The following TBCE variants were observed in gnomAD, a reference collection of about 807,000 sequenced individuals.
TBCE encodes tubulin folding cofactor E, also known as tubulin-specific chaperone E.
A neutral mutation model predicts 77.0 loss-of-function variants in TBCE; 53 were observed. The ratio of observed to expected loss-of-function variants is 0.69; its 90% CI spans 0.55 to 0.87. The LOEUF (loss-of-function observed/expected upper bound fraction) is 0.87, where lower values mean the gene tolerates loss of function less well. Ranked by LOEUF, TBCE falls within the 40% of genes least tolerant of loss-of-function variation. The pLI, the probability that TBCE is intolerant of heterozygous loss-of-function variation, is 0.00. For synonymous variants in TBCE, 235 were observed against 241.3 expected, an observed-to-expected ratio of 0.97 and a Z score of 0.24; for missense variants, 624 against 622.4, an observed-to-expected ratio of 1.00 and a Z score of -0.03.
At chr1:235,398,306 C>T (rs1016848356) in intron 2 of TBCE, among the ~76,000 whole-genome samples, 16 of 151,684 alleles carry the variant, frequency 1.1e-4, no homozygotes, top group African/African-American at 2.9e-4. Flanking sequence ...CCACCACGCC[C>T]GGCTAATTTT....
intron 5 of TBCE, among the ~76,000 whole-genome samples, chr1:235,420,577 G>T (rs910829160): frequency 6.6e-6 from 1 of 151,506 alleles, no homozygotes; most frequent in African/African-American, 2.4e-5. Context: ...CCGCCTCCCG[G>T]GTTCAAGCAA....
chr1:235,413,250 C>T (rs1036755459), intron 3 of TBCE, among the ~76,000 whole-genome samples: 1 of 151,746 alleles, frequency 6.6e-6, no homozygotes, highest in Non-Finnish European at 1.5e-5. Context: ...GTCCTAGCTA[C>T]GTGGGAGGCT....
intron 2 of TBCE, among the ~76,000 whole-genome samples, chr1:235,390,075 G>T (rs1257832754): frequency 6.6e-6 from 1 of 151,386 alleles, no homozygotes; most frequent in African/African-American, 2.4e-5. Flanking sequence ...GCAGTGAGAC[G>T]AAATGGCATC....
Position 235,449,983 on chromosome 1 carries a change from C to T in TBCE, c.*1221C>T, listed in dbSNP as rs74151510. The T allele has an allele frequency of 0.01, 4,075 of 397,820 alleles. 148 individuals carry two copies. Among genetic ancestry groups the T allele is most frequent in the African/African-American group, 0.074 (3,638 of 48,968 alleles). 24.6% of individuals were successfully genotyped at this position (397,820 alleles called of 1,614,324 possible). Reference sequence around the variant, plus strand: ...ACTTGGTATTTTTCTGATAATCTTCCAATAGATAAATAAAAACTTTTCTTA... The same window carrying T: ...ACTTGGTATTTTTCTGATAATCTTCTAATAGATAAATAAAAACTTTTCTTA... On this transcript the variant is annotated 3_prime_UTR_variant, in exon 17 of 17. Transcript: ENST00000642610.
chr1:235,398,320 A>G (rs1026068332), intron 2 of TBCE, among the ~76,000 whole-genome samples: 14 of 151,124 alleles, frequency 9.3e-5, no homozygotes, highest in Admixed American at 8.6e-4. Context: ...TAATTTTTCT[A>G]TTTTTAGTAG....
chr1:235,417,230 T>C (rs1216098320), intron 4 of TBCE, among the ~76,000 whole-genome samples: 1 of 152,190 alleles, frequency 6.6e-6, no homozygotes, highest in Non-Finnish European at 1.5e-5. Flanking sequence ...TCCTCATGCT[T>C]AGTGCCAAGT....
At chr1:235,432,930 A>AC (rs1681188965) in intron 7 of TBCE, 1 of 493,358 alleles carries the variant, frequency 2.0e-6, no homozygotes, top group Non-Finnish European at 2.7e-6. Context: ...TTTTTTTTGT[A>AC]AAAAAAAAAA....
intron 5 of TBCE, among the ~76,000 whole-genome samples, chr1:235,424,529 G>T (rs546959835): frequency 5.8e-4 from 87 of 150,088 alleles, no homozygotes; most frequent in African/African-American, 2.0e-3. Flanking sequence ...TTTTGAGATA[G>T]AGTTTCGTTC....
intron 5 of TBCE, among the ~76,000 whole-genome samples, chr1:235,426,765 C>T (rs1217142241): frequency 1.3e-5 from 2 of 152,312 alleles, no homozygotes; most frequent in South Asian, 2.1e-4. Context: ...CTTGCCTTAA[C>T]CTCCTGAGTA....
intron 3 of TBCE, among the ~76,000 whole-genome samples, chr1:235,414,159 C>A (rs1175754748): frequency 6.6e-6 from 1 of 151,970 alleles, no homozygotes; most frequent in African/African-American, 2.4e-5. Flanking sequence ...CCTGGCCACC[C>A]CCATGGATTT....
intron 15 of TBCE, among the ~76,000 whole-genome samples, chr1:235,444,960 T>A (rs527582581): frequency 6.6e-6 from 1 of 152,358 alleles, no homozygotes; most frequent in Non-Finnish European, 1.5e-5. Flanking sequence ...AGTGCCGCCT[T>A]ACCCTTCTCT....
At chr1:235,441,936 AAC>A in intron 14 of TBCE, 54 bp downstream of exon 14, 8 of 1,496,220 alleles carry the variant, frequency 5.3e-6, no homozygotes, top group Non-Finnish European at 7.4e-6. Context: ...TAGGTGCTGA[AAC>A]AGTTAGTGTG....
At chr1:235,433,884 C>G (rs1382479681) in intron 7 of TBCE, 1 of 318,046 alleles carries the variant, frequency 3.1e-6, no homozygotes, top group Non-Finnish European at 5.8e-6. Flanking sequence ...TAAGCAAATT[C>G]TATCAAATAA....
rs370053636 is a variant in TBCE, at chr1:235,450,163, G to A, written c.*1401G>A. The A allele has an allele frequency of 2.4e-5, 39 of 1,610,406 alleles. No homozygotes were observed. The highest frequency in any genetic ancestry group is 5.3e-5 in the African/African-American group (4 of 74,806). On this transcript the variant is annotated 3_prime_UTR_variant, in exon 17 of 17. Transcript: ENST00000642610. ...TCCTCAGACTTGCACTCAGATTATC[G>A]TTTGCCTGCCCTGATTTTAGACTCT...
At chr1:235,414,198 G>A (rs1679980933) in intron 3 of TBCE, among the ~76,000 whole-genome samples, 1 of 152,106 alleles carries the variant, frequency 6.6e-6, no homozygotes, top group African/African-American at 2.4e-5. Flanking sequence ...AATGTGAATT[G>A]TCAGTTTCAT....
chr1:235,434,163 C>A, intron 7 of TBCE, 41 bp from the exon 8 acceptor site: 1 of 1,597,226 alleles, frequency 6.3e-7, no homozygotes, highest in Non-Finnish European at 8.6e-7. Context: ...AAGAAACAGC[C>A]AGCAGAGGCC....
intron 1 of TBCE, among the ~76,000 whole-genome samples, chr1:235,369,175 C>T (rs1434943470): frequency 6.6e-6 from 1 of 152,098 alleles, no homozygotes; most frequent in African/African-American, 2.4e-5. Context: ...TGTCTTTCCT[C>T]TCAAAAATCC....
intron 16 of TBCE, 28 bp from the exon 17 acceptor site, chr1:235,448,642 T>A (rs1243876108): frequency 6.3e-7 from 1 of 1,588,990 alleles, no homozygotes; most frequent in Non-Finnish European, 8.6e-7. Context: ...CTTAATCACA[T>A]CCTTCCCCAC....
In TBCE at chr1:235,449,959, C is replaced by T. The variant is rs1215887969; in HGVS notation, c.*1197C>T. On this transcript the variant is annotated 3_prime_UTR_variant, in exon 17 of 17. Transcript: ENST00000642610. ...AAATATTTTTTCTTTTATAAAATAACTTGGTATTTTTCTGATAATCTTCCA... is the reference window on the plus strand; with the variant it reads ...AAATATTTTTTCTTTTATAAAATAATTTGGTATTTTTCTGATAATCTTCCA... 3.0e-6 allele frequency: 1 copy of T among 331,916 alleles called. No individual in the cohort carries two copies. Among genetic ancestry groups the T allele is most frequent in the African/African-American group, 2.1e-5 (1 of 47,152 alleles). 20.6% of individuals were successfully genotyped at this position (331,916 alleles called of 1,614,324 possible). A position where few individuals can be genotyped will look rare whatever the true frequency, so the allele number is the denominator to read the frequency against.
Sources: gnomAD v4.1 joint callset for allele counts (sites outside exome capture counted in the v4.1 genomes callset) on GRCh38, gnomAD v4.1.1 for gene constraint, MANE v1.5 for transcripts, NCBI Gene and HGNC (gene_info 2026-07-23, HGNC 2026-07-21) for gene names.